The following CHCHD3 variants were observed in gnomAD, a reference collection of about 807,000 sequenced individuals.
CHCHD3 encodes MICOS complex subunit MIC19.
CHCHD3 carries 20 observed loss-of-function variants against 38.2 expected under a neutral mutation model. The observed-to-expected ratio is 0.52, with a 90% confidence interval of 0.37 to 0.76. The LOEUF is 0.76. Among genes scored for constraint, CHCHD3 ranks in the 30% least tolerant of loss-of-function variants. The pLI, the probability that CHCHD3 is intolerant of heterozygous loss-of-function variation, is 0.00. For synonymous variants in CHCHD3, 82 were observed against 100.0 expected (o/e 0.82, Z 1.07); for missense variants, 245 against 279.2 (o/e 0.88, Z 0.87).
intron 3 of CHCHD3, among the ~76,000 whole-genome samples, chr7:132,982,377 G>A (rs767827800): frequency 1.2e-3 from 181 of 152,216 alleles, no homozygotes; most frequent in Non-Finnish European, 2.1e-3. Flanking sequence ...CTCCACCTCC[G>A]GGATTCAAGC....
At chr7:133,017,310 G>C (rs988004553) in intron 3 of CHCHD3, among the ~76,000 whole-genome samples, 1 of 152,138 alleles carries the variant, frequency 6.6e-6, no homozygotes, top group Non-Finnish European at 1.5e-5. Flanking sequence ...ATCTAGTTCT[G>C]CTAACTGAAA....
chr7:132,921,327 T>C (rs757492633), intron 4 of CHCHD3, among the ~76,000 whole-genome samples: 1 of 152,200 alleles, frequency 6.6e-6, no homozygotes, highest in African/African-American at 2.4e-5. Flanking sequence ...ACTTGAAATA[T>C]ACTTACACCA....
Position 133,008,425 on chromosome 7 carries a change from G to GAA in CHCHD3, c.251+16119_251+16120dup, listed in dbSNP as rs988855864. Among the ~76,000 whole-genome samples, 9 of 74,054 alleles carry GAA rather than the reference G, an allele frequency of 1.2e-4. No homozygotes were observed. The East Asian group carries it at 3.0e-3, about 25-fold the overall frequency. The allele number at this position is 74,054 out of a possible 152,430, so 48.6% of individuals were successfully genotyped here. A position where few individuals can be genotyped will look rare whatever the true frequency, so the allele number is the denominator to read the frequency against. ...CTGTATTCTACACACATGCAGAAAA[G>GAA]AAAAAAAAAAAAGAAAAAAAAAGCA... On this transcript the variant is annotated intron_variant, in intron 3 of 7. Transcript: ENST00000262570.
chr7:132,967,663 AAAT>A (rs1811503424), intron 4 of CHCHD3, among the ~76,000 whole-genome samples: 2 of 140,332 alleles, frequency 1.4e-5, no homozygotes, highest in African/African-American at 5.4e-5. Flanking sequence ...ATAAATAAAT[AAAT>A]AAAATAAAAC....
At chr7:132,869,146 G>C (rs995994612) in intron 5 of CHCHD3, among the ~76,000 whole-genome samples, 1 of 152,042 alleles carries the variant, frequency 6.6e-6, no homozygotes, top group Admixed American at 6.6e-5. Flanking sequence ...CATTATTAGA[G>C]GGCACCTGTA....
At chr7:132,823,219 T>C (rs934944933) in intron 6 of CHCHD3, among the ~76,000 whole-genome samples, 44 of 152,202 alleles carry the variant, frequency 2.9e-4, no homozygotes, top group African/African-American at 1.1e-3. Flanking sequence ...CCTTGATAAA[T>C]TAAAAGAGAA....
chr7:133,036,823 T>C (rs961389588), intron 2 of CHCHD3, among the ~76,000 whole-genome samples: 1 of 152,184 alleles, frequency 6.6e-6, no homozygotes, highest in East Asian at 1.9e-4. Flanking sequence ...ACTGATGCTG[T>C]ATAACATTTC....
intron 4 of CHCHD3, among the ~76,000 whole-genome samples, chr7:132,895,841 T>C (rs1389472398): frequency 2.0e-5 from 3 of 152,210 alleles, no homozygotes; most frequent in African/African-American, 7.2e-5. Context: ...TTATTAGCAG[T>C]GTAAGAACAG....
intron 6 of CHCHD3, among the ~76,000 whole-genome samples, chr7:132,824,675 C>T (rs1043141622): frequency 3.9e-5 from 6 of 152,152 alleles, no homozygotes; most frequent in African/African-American, 1.4e-4. Flanking sequence ...TTTTAAAATA[C>T]GGCATTTCAA....
intron 3 of CHCHD3, among the ~76,000 whole-genome samples, chr7:133,001,157 T>C (rs1239784629): frequency 2.0e-5 from 3 of 152,198 alleles, no homozygotes; most frequent in African/African-American, 7.2e-5. Flanking sequence ...AATCCTTGCA[T>C]GTTACCTTCT....
At chr7:132,908,452 T>C (rs1398885374) in intron 4 of CHCHD3, among the ~76,000 whole-genome samples, 3 of 152,236 alleles carry the variant, frequency 2.0e-5, no homozygotes, top group Non-Finnish European at 4.4e-5. Context: ...CACTGAGATG[T>C]TGTTTAGTAT....
intron 4 of CHCHD3, among the ~76,000 whole-genome samples, chr7:132,906,616 C>T (rs544626008): frequency 6.6e-6 from 1 of 152,106 alleles, no homozygotes; most frequent in Non-Finnish European, 1.5e-5. Context: ...CCCCAACCCC[C>T]GCCCCAATCT....
chr7:132,834,665 G>C (rs1051363260), intron 6 of CHCHD3, among the ~76,000 whole-genome samples: 1 of 152,156 alleles, frequency 6.6e-6, no homozygotes, highest in Non-Finnish European at 1.5e-5. Context: ...CAGAAAATCA[G>C]CCAAAGGAAG....
intron 3 of CHCHD3, among the ~76,000 whole-genome samples, chr7:133,007,315 C>T (rs558886398): frequency 1.9e-4 from 29 of 152,290 alleles, no homozygotes; most frequent in East Asian, 5.8e-4. Flanking sequence ...GTGCCCATGT[C>T]TTTAGTTATT....
rs902758381 is a variant in CHCHD3, at chr7:132,788,439, T to G, written c.661-2779A>C. 6.6e-6 allele frequency among the ~76,000 whole-genome samples: 1 copy of G among 152,188 alleles called. No homozygotes were observed. The highest frequency in any genetic ancestry group is 1.5e-5 in the Non-Finnish European group (1 of 68,032). On this transcript the variant is annotated intron_variant, in intron 7 of 7. Coordinates refer to ENST00000262570, the MANE Select transcript of CHCHD3 (RefSeq NM_017812.4). The surrounding 1 kb of genome is among the most constrained non-coding windows in gnomAD (Gnocchi z 4.0). ...GGTTACAAGGATAACCACATGACAA[T>G]GTACCTCCTTTCAAATATTGCAAAA...
intron 1 of CHCHD3, among the ~76,000 whole-genome samples, chr7:133,070,661 G>A (rs1258715270): frequency 7.1e-6 from 1 of 140,960 alleles, no homozygotes; most frequent in Non-Finnish European, 1.5e-5. Flanking sequence ...CCTGTTCAAA[G>A]CTAACCACAT....
chr7:132,925,945 C>G (rs1810367225), intron 4 of CHCHD3, among the ~76,000 whole-genome samples: 1 of 152,136 alleles, frequency 6.6e-6, no homozygotes, highest in Non-Finnish European at 1.5e-5. Context: ...CAGCACCTAC[C>G]AATGGTTCAG....
At chr7:133,006,226 A>C (rs1186432653) in intron 3 of CHCHD3, among the ~76,000 whole-genome samples, 3 of 152,048 alleles carry the variant, frequency 2.0e-5, no homozygotes, top group Non-Finnish European at 4.4e-5. Context: ...AGCAGTTTGC[A>C]AGGCCAAGGC....
chr7:132,914,368 C>T (rs936603680), intron 4 of CHCHD3, among the ~76,000 whole-genome samples: 1 of 152,174 alleles, frequency 6.6e-6, no homozygotes, highest in Non-Finnish European at 1.5e-5. Context: ...CAGTTTACTT[C>T]ATCAGTGATC....
Sources: allele counts gnomAD v4.1 joint callset (sites outside exome capture counted in the v4.1 genomes callset), GRCh38; gene constraint gnomAD v4.1.1; non-coding constraint Gnocchi (gnomAD v3.1); transcripts MANE v1.5; gene names NCBI Gene and HGNC (gene_info 2026-07-23, HGNC 2026-07-21).